Variants in SPNS2 observed in about 807,000 individuals in gnomAD.
The protein encoded by SPNS2 is SPNS lysolipid transporter 2, sphingosine-1-phosphate.
A neutral mutation model predicts 57.6 loss-of-function variants in SPNS2; 37 were observed. The ratio of observed to expected loss-of-function variants is 0.64; its 90% CI spans 0.49 to 0.85. The LOEUF (loss-of-function observed/expected upper bound fraction) is 0.85. Ranked by LOEUF, SPNS2 falls within the 40% of genes least tolerant of loss-of-function variation. The probability of loss-of-function intolerance (pLI) is 0.00; values close to 1 mark genes in which losing one functional copy is unlikely to be tolerated. For synonymous variants in SPNS2, 440 were observed against 346.9 expected (o/e 1.27, Z -2.98); for missense variants, 831 against 779.1 (o/e 1.07, Z -0.79).
intron 9 of SPNS2, 53 bp from the exon 10 acceptor site, chr17:4,536,023 C>T (rs935496932): frequency 1.3e-5 from 20 of 1,537,712 alleles, no homozygotes; most frequent in African/African-American, 4.1e-5. Flanking sequence ...GGGCCAGGGC[C>T]AAGCGCGTGA....
chr17:4,535,048 G>A (rs1270322493), intron 9 of SPNS2, among the ~76,000 whole-genome samples: 2 of 152,334 alleles, frequency 1.3e-5, no homozygotes, highest in East Asian at 3.9e-4. Flanking sequence ...TGCCCCGTGG[G>A]TGCTGGTTGC....
At chr17:4,534,171 T>C (rs1303674936) in intron 9 of SPNS2, among the ~76,000 whole-genome samples, 1 of 151,984 alleles carries the variant, frequency 6.6e-6, no homozygotes, top group African/African-American at 2.4e-5. Context: ...CCCGCCCTCC[T>C]CCCCCCGCTG....
rs1307192555 is a variant in SPNS2, at chr17:4,512,730, G to T, written c.371-517G>T. 1.3e-5 allele frequency among the ~76,000 whole-genome samples: 2 copies of T among 151,012 alleles called. No individual in the cohort carries two copies. Among genetic ancestry groups the T allele is most frequent in the African/African-American group, 4.9e-5 (2 of 40,564 alleles). ...TGCACACACGTGCGTGCGTGTGCAG[G>T]TGTGTGTGTGCATGTACAGGTGTGT... On this transcript the variant is annotated intron_variant, in intron 1 of 12. Transcript: ENST00000329078. The surrounding 1 kb of genome is among the most constrained non-coding windows in gnomAD (Gnocchi z 5.2).
At chr17:4,535,971 G>C (rs1461507796) in intron 9 of SPNS2, 105 bp from the exon 10 acceptor site, 1 of 890,022 alleles carries the variant, frequency 1.1e-6, no homozygotes, top group Non-Finnish European at 1.7e-6. Flanking sequence ...TAGGGCAGGA[G>C]TGAGTCTGAG....
chr17:4,518,754 CCTT>C (rs1287134839), intron 2 of SPNS2, among the ~76,000 whole-genome samples: 7 of 152,210 alleles, frequency 4.6e-5, no homozygotes, highest in Non-Finnish European at 8.8e-5. Context: ...GGGTAAGTCT[CCTT>C]CTGCCTGTTC....
chr17:4,517,763 T>G (rs537204474), intron 2 of SPNS2, among the ~76,000 whole-genome samples: 2 of 152,298 alleles, frequency 1.3e-5, no homozygotes, highest in South Asian at 4.1e-4. Context: ...ACTTTAAAAT[T>G]AGGTGTGTTT....
chr17:4,512,642 G>A lies in SPNS2; in HGVS notation c.371-605G>A, dbSNP rs1904863454. Among the ~76,000 whole-genome samples, 1 of 150,716 alleles carries A rather than the reference G, an allele frequency of 6.6e-6. No individual in the cohort carries two copies. Among genetic ancestry groups the A allele is most frequent in the East Asian group, 1.9e-4 (1 of 5,166 alleles). On this transcript the variant is annotated intron_variant, in intron 1 of 12. Coordinates refer to ENST00000329078, the MANE Select transcript of SPNS2 (RefSeq NM_001124758.3). This position sits in a 1 kb window ranked among gnomAD's most constrained non-coding sequence, Gnocchi z 5.2. ...GCAGCTGGGGTGACAGTGTGTGTGTGTGCGTGCGCGCGCACGGGTATGTGT... is the reference window on the plus strand; with the variant it reads ...GCAGCTGGGGTGACAGTGTGTGTGTATGCGTGCGCGCGCACGGGTATGTGT...
rs143728930 is a variant in SPNS2 at position 4,517,469 on chromosome 17, A to G, written c.436+4157A>G. ...GGTCAGCAGTTTGAGACCAGCCTGA[A>G]CCAACATGGTGAACCCCATCTCTAC... On this transcript the variant is annotated intron_variant, in intron 2 of 12. Coordinates refer to ENST00000329078, the MANE Select transcript of SPNS2 (RefSeq NM_001124758.3). Among the ~76,000 whole-genome samples the G allele has an allele frequency of 4.9e-3, 752 of 152,262 alleles. 4 individuals carry two copies. The highest frequency in any genetic ancestry group is 0.017 in the African/African-American group (708 of 41,558).
intron 1 of SPNS2, among the ~76,000 whole-genome samples, chr17:4,501,193 A>G (rs1271511285): frequency 6.6e-6 from 1 of 151,972 alleles, no homozygotes; most frequent in Non-Finnish European, 1.5e-5. Flanking sequence ...AGGTCTTCCC[A>G]CCCTTTCTCA....
chr17:4,503,663 T>C (rs1431051906), intron 1 of SPNS2, among the ~76,000 whole-genome samples: 5 of 152,228 alleles, frequency 3.3e-5, no homozygotes, highest in Non-Finnish European at 7.3e-5. Context: ...CTTCCCCAAC[T>C]TCTGTGGGGT....
At chr17:4,530,037 A>T (rs1416345018) in intron 3 of SPNS2, among the ~76,000 whole-genome samples, 1 of 152,130 alleles carries the variant, frequency 6.6e-6, no homozygotes, top group Admixed American at 6.5e-5. Context: ...GGTCCACATC[A>T]AAGGGGTCAT....
intron 3 of SPNS2, among the ~76,000 whole-genome samples, chr17:4,527,503 G>C (rs1341866520): frequency 6.6e-6 from 1 of 152,144 alleles, no homozygotes; most frequent in Non-Finnish European, 1.5e-5. Flanking sequence ...GGAAAGTAAA[G>C]CAAAAAGCAA....
At position 4,525,155 on chromosome 17, in the gene SPNS2, T is replaced by C. The variant is rs1309733439; in HGVS notation, c.535T>C (p.Ser179Pro). The C allele has an allele frequency of 6.2e-7, 1 of 1,614,180 alleles. No individual in the cohort carries two copies. The highest frequency in any genetic ancestry group is 1.7e-5 in the Admixed American group (1 of 60,030). The change falls in exon 3 of 13, where the codon TCG becomes CCG. Residue 179 changes from serine (S) to proline (P), a missense_variant. Coordinates refer to ENST00000329078, the MANE Select transcript of SPNS2 (RefSeq NM_001124758.3). ...VILSCGIFFW[S>P]AVTFSSSFIP... Reference sequence around the variant, plus strand: ...TCTCAGCTGCGGCATTTTCTTCTGGTCGGCCGTCACCTTCTCCAGCTCCTT... The same window carrying C: ...TCTCAGCTGCGGCATTTTCTTCTGGCCGGCCGTCACCTTCTCCAGCTCCTT...
chr17:4,532,327 G>A (rs1464369583), intron 5 of SPNS2, among the ~76,000 whole-genome samples: 1 of 151,886 alleles, frequency 6.6e-6, no homozygotes. Flanking sequence ...CTCTGGTCCT[G>A]CCCCTGGTCT....
intron 9 of SPNS2, 65 bp from the exon 10 acceptor site, chr17:4,536,011 C>G (rs945044775): frequency 1.4e-6 from 2 of 1,444,806 alleles, no homozygotes; most frequent in Non-Finnish European, 1.9e-6. Context: ...TGCCACGGCC[C>G]GGGGCCAGGG....
intron 5 of SPNS2, 108 bp downstream of exon 5, chr17:4,531,227 C>T: frequency 9.9e-7 from 1 of 1,014,548 alleles, no homozygotes. Flanking sequence ...GGATTCCTCC[C>T]CTGGCTGCGT....
At chr17:4,523,446 CAAAT>C (rs933992548) in intron 2 of SPNS2, among the ~76,000 whole-genome samples, 3 of 151,954 alleles carry the variant, frequency 2.0e-5, no homozygotes, top group African/African-American at 4.8e-5. Flanking sequence ...GTCTCACAAA[CAAAT>C]AAAACACCAG....
At position 4,536,129 on chromosome 17, in the gene SPNS2, C is replaced by T; in HGVS notation, c.1398C>T (p.Thr466=). 6.2e-7 allele frequency: 1 copy of T among 1,612,712 alleles called. No homozygotes were observed. Among genetic ancestry groups the T allele is most frequent in the Non-Finnish European group, 8.5e-7 (1 of 1,179,852 alleles). ...CTGCCGTGGCCTTGCAGAGCTTCAC[C>T]TCCCACCTGCTGGGGGACGCCGGGA... is the stretch of plus-strand genomic sequence containing the variant. ...RATAVALQSF[T]SHLLGDAGSP... Residue 466 remains threonine (T), a synonymous_variant, in exon 10 of 13, where the codon ACC becomes ACT. Transcript: ENST00000329078.
intron 6 of SPNS2, 105 bp from the exon 7 acceptor site, chr17:4,532,872 G>A (rs556163077): frequency 4.7e-6 from 7 of 1,501,504 alleles, no homozygotes; most frequent in Non-Finnish European, 6.3e-6. Flanking sequence ...CCTGGAGCCT[G>A]TAAGACGAGG....
Sources: gnomAD v4.1 joint callset for allele counts (sites outside exome capture counted in the v4.1 genomes callset) on GRCh38, gnomAD v4.1.1 for gene constraint, Gnocchi (gnomAD v3.1) non-coding constraint, MANE v1.5 for transcripts, NCBI Gene and HGNC (gene_info 2026-07-23, HGNC 2026-07-21) for gene names.